The following SORBS2 variants were observed in gnomAD, a reference collection of about 807,000 sequenced individuals.
SORBS2 encodes the protein sorbin and SH3 domain containing 2.
Under a neutral mutation model 97.7 loss-of-function variants are expected in SORBS2, and 46 were observed. The ratio of observed to expected loss-of-function variants is 0.47; its 90% confidence interval spans 0.37 to 0.60. SORBS2 has a LOEUF of 0.60. Among genes scored for constraint, SORBS2 ranks in the 20% least tolerant of loss-of-function variants. The probability of loss-of-function intolerance (pLI) is 0.00; values close to 1 mark genes in which losing one functional copy is unlikely to be tolerated. For synonymous variants in SORBS2, 476 were observed against 473.4 expected, an observed-to-expected ratio of 1.01 and a Z score of -0.07; for missense variants, 1,316 against 1,282.3, an observed-to-expected ratio of 1.03 and a Z score of -0.40.
At chr4:185,719,195 G>A (rs2098491324) in intron 2 of SORBS2, among the ~76,000 whole-genome samples, 1 of 152,162 alleles carries the variant, frequency 6.6e-6, no homozygotes, top group South Asian at 2.1e-4. Flanking sequence ...AGGTTACCGA[G>A]AAAAGAGAAA....
chr4:185,603,849 T>C (rs1055240337), intron 12 of SORBS2, among the ~76,000 whole-genome samples: 11 of 152,348 alleles, frequency 7.2e-5, no homozygotes, highest in African/African-American at 2.6e-4. Flanking sequence ...CAGAGATGGA[T>C]GCTTTGTGAA....
At chr4:185,615,154 A>G in exon 10 of SORBS2, 1 of 1,586,026 alleles carries the variant, frequency 6.3e-7, no homozygotes, top group Non-Finnish European at 8.7e-7. Context: ...CTTAAATGAC[A>G]ACTCCCTGGA....
chr4:185,680,363 T>C (rs958826140), intron 2 of SORBS2, among the ~76,000 whole-genome samples: 3 of 151,982 alleles, frequency 2.0e-5, no homozygotes, highest in Non-Finnish European at 4.4e-5. Flanking sequence ...ATCAGCTATA[T>C]GATGAAGATA....
chr4:185,596,202 T>C (rs2096083373), intron 12 of SORBS2, among the ~76,000 whole-genome samples: 1 of 152,242 alleles, frequency 6.6e-6, no homozygotes, highest in Non-Finnish European at 1.5e-5. Flanking sequence ...TTTCAACTTC[T>C]ACATCATGGC....
chr4:185,850,343 T>A (rs1353437063), intron 1 of SORBS2, among the ~76,000 whole-genome samples: 1 of 152,180 alleles, frequency 6.6e-6, no homozygotes, highest in Non-Finnish European at 1.5e-5. Flanking sequence ...AGTCTAACAT[T>A]CTGCTGACTT....
chr4:185,588,587 T>TCTCTTTCCTCCTC (rs2095842888), intron 14 of SORBS2, among the ~76,000 whole-genome samples: 2 of 122,860 alleles, frequency 1.6e-5, no homozygotes, highest in African/African-American at 5.4e-5. Context: ...ATTTTACGTT[T>TCTCTTTCCTCCTC]CTCCTCCCTC....
At chr4:185,853,190 G>T (rs74944462) in intron 1 of SORBS2, among the ~76,000 whole-genome samples, 3,088 of 152,250 alleles carry the variant, frequency 0.02, 88 homozygotes, top group African/African-American at 0.071. Context: ...TGGAGTTTCA[G>T]ATAAATAATA....
At chr4:185,791,725 T>G (rs578058445) in intron 1 of SORBS2, among the ~76,000 whole-genome samples, 1 of 151,944 alleles carries the variant, frequency 6.6e-6, no homozygotes, top group Non-Finnish European at 1.5e-5. Flanking sequence ...AATAAGATTG[T>G]TTTTCCCCCA....
intron 2 of SORBS2, among the ~76,000 whole-genome samples, chr4:185,703,817 A>G (rs763146417): frequency 2.4e-4 from 37 of 152,244 alleles, no homozygotes; most frequent in Non-Finnish European, 4.0e-4. Flanking sequence ...TAAGGCTACT[A>G]TGTGATAATT....
In SORBS2 at chr4:185,699,752, C is replaced by A. The variant is rs542571010; in HGVS notation, c.-197-20930G>T. Reference sequence around the variant, plus strand: ...GTGTTGAACAGTGGATAGTTTATTACATTATTCTTTGGGATCTAATAAAAG... The same window carrying A: ...GTGTTGAACAGTGGATAGTTTATTAAATTATTCTTTGGGATCTAATAAAAG... On this transcript the variant is annotated intron_variant, in intron 2 of 20. Transcript: ENST00000284776. Among the ~76,000 whole-genome samples the A allele has an allele frequency of 3.3e-5, 5 of 152,246 alleles. No individual in the cohort carries two copies. The South Asian group carries it at 6.2e-4, about 19-fold the overall frequency.
At chr4:185,870,271 C>G (rs2099229659) in intron 1 of SORBS2, among the ~76,000 whole-genome samples, 1 of 152,152 alleles carries the variant, frequency 6.6e-6, no homozygotes, top group Non-Finnish European at 1.5e-5. Context: ...AGGGGAATTG[C>G]AGAATTCGTG....
intron 1 of SORBS2, among the ~76,000 whole-genome samples, chr4:185,901,981 C>T (rs114775820): frequency 0.012 from 1,771 of 152,064 alleles, 44 homozygotes; most frequent in African/African-American, 0.04. Context: ...GAAATAGCAG[C>T]CCCTTAGTAA....
chr4:185,658,752 G>A (rs949555019), upstream of SORBS2, among the ~76,000 whole-genome samples: 6 of 145,170 alleles, frequency 4.1e-5, no homozygotes, highest in Non-Finnish European at 8.9e-5. Context: ...GTGCAGTGGT[G>A]TGGTCTCAAC....
At chr4:185,743,944 C>T (rs920877923) in intron 2 of SORBS2, among the ~76,000 whole-genome samples, 1 of 147,668 alleles carries the variant, frequency 6.8e-6, no homozygotes, top group Admixed American at 6.8e-5. Context: ...TCCTCTTTCT[C>T]CTCCTCCTTC....
intron 1 of SORBS2, among the ~76,000 whole-genome samples, chr4:185,799,724 A>T (rs1194967223): frequency 6.6e-6 from 1 of 152,182 alleles, no homozygotes; most frequent in Non-Finnish European, 1.5e-5. Flanking sequence ...CGTCTGTGAG[A>T]CCTTCTTTGC....
Position 185,611,305 on chromosome 4 carries a change from A to G in SORBS2, c.2796+475T>C, listed in dbSNP as rs192052534. On this transcript the variant is annotated intron_variant, in intron 12 of 14. Coordinates refer to ENST00000418609, the Ensembl canonical transcript of SORBS2. ...TGTGATATACTATTTTGAGATATAC[A>G]TAGTATTTTGTGTTGTGTATATTTA... Among the ~76,000 whole-genome samples the G allele has an allele frequency of 2.1e-3, 318 of 152,104 alleles. 2 individuals are homozygous for G. Among genetic ancestry groups the G allele is most frequent in the African/African-American group, 7.3e-3 (303 of 41,562 alleles).
intron 1 of SORBS2, among the ~76,000 whole-genome samples, chr4:185,839,459 A>T (rs1036154295): frequency 6.6e-6 from 1 of 152,106 alleles, no homozygotes; most frequent in African/African-American, 2.4e-5. Context: ...GTCCAGTAGG[A>T]GGGCTGCAAG....
At chr4:185,818,401 G>A (rs901121480) in intron 1 of SORBS2, among the ~76,000 whole-genome samples, 2 of 151,942 alleles carry the variant, frequency 1.3e-5, no homozygotes, top group Non-Finnish European at 2.9e-5. Context: ...ATGTTAGCCA[G>A]GATGGTCTCC....
chr4:185,747,031 G>A lies in SORBS2; in HGVS notation c.-198+28196C>T, dbSNP rs76795505. 4.9e-3 allele frequency among the ~76,000 whole-genome samples: 747 copies of A among 152,164 alleles called. 10 individuals carry two copies. Among genetic ancestry groups the A allele is most frequent in the African/African-American group, 0.016 (684 of 41,516 alleles). ...AAGAGTGCCGGGCGCAGTGGCTCAC[G>A]CCTATGATGCCACTGCACTCCAGCC... On this transcript the variant is annotated intron_variant, in intron 2 of 20. Transcript: ENST00000284776.
Sources: gnomAD v4.1 joint callset for allele counts (sites outside exome capture counted in the v4.1 genomes callset) on GRCh38, gnomAD v4.1.1 for gene constraint, MANE v1.5 for transcripts, NCBI Gene and HGNC (gene_info 2026-07-23, HGNC 2026-07-21) for gene names.